CEMIP: variants seen among roughly 807,000 people sequenced by gnomAD.
CEMIP encodes the protein cell migration-inducing and hyaluronan-binding protein.
Under a neutral mutation model 156.9 loss-of-function variants are expected in CEMIP, and 105 were observed. The observed-to-expected ratio is 0.67, with a 90% CI of 0.57 to 0.79. The LOEUF (loss-of-function observed/expected upper bound fraction) is 0.79. Among genes scored for constraint, CEMIP ranks in the 30% least tolerant of loss-of-function variants. The pLI, the probability that CEMIP is intolerant of heterozygous loss-of-function variation, is 0.00. For missense variants in CEMIP, 1,457 were observed against 1,769.4 expected, an observed-to-expected ratio of 0.82 and a Z score of 3.17; for synonymous variants, 676 against 668.4, an observed-to-expected ratio of 1.01 and a Z score of -0.17.
chr15:80,799,561 T>C (rs755009027), intron 1 of CEMIP, among the ~76,000 whole-genome samples: 1 of 152,228 alleles, frequency 6.6e-6, no homozygotes, highest in Non-Finnish European at 1.5e-5. Flanking sequence ...ATCCTGTTAC[T>C]GAGCATCTGC....
chr15:80,875,152 G>T (rs1898434136), intron 3 of CEMIP, among the ~76,000 whole-genome samples: 1 of 146,688 alleles, frequency 6.8e-6, no homozygotes, highest in African/African-American at 2.5e-5. Flanking sequence ...TCTCATCTCA[G>T]CCTCCCTAGT....
At chr15:80,924,821 C>G in intron 18 of CEMIP, 115 bp downstream of exon 18, 1 of 965,190 alleles carries the variant, frequency 1.0e-6, no homozygotes, top group East Asian at 2.5e-5. Flanking sequence ...TTGCTTTGTG[C>G]TGGGCTTTGA....
intron 1 of CEMIP, among the ~76,000 whole-genome samples, chr15:80,863,264 C>T (rs1004468994): frequency 1.3e-5 from 2 of 152,196 alleles, no homozygotes; most frequent in Non-Finnish European, 2.9e-5. Context: ...AAAATACACC[C>T]ACCTGTTTTG....
Position 80,906,661 on chromosome 15 carries a change from A to T in CEMIP, c.1412-2A>T. On this transcript the variant is annotated splice_acceptor_variant, in intron 12 of 29. Coordinates refer to ENST00000394685, the MANE Select transcript of CEMIP (RefSeq NM_001293298.2). LOFTEE classifies it high-confidence loss of function. This position sits in a 1 kb window ranked among gnomAD's most constrained non-coding sequence, Gnocchi z 4.3. The stretch of plus-strand genomic sequence containing the variant: ...GTTTACCGTCCTCCCTTTCTGCCCT[A>T]GGGAAACCAATGTACCTGCACATCG... The T allele has an allele frequency of 6.2e-7, 1 of 1,612,222 alleles. No homozygotes were observed.
intron 1 of CEMIP, among the ~76,000 whole-genome samples, chr15:80,841,521 T>A (rs1342928104): frequency 6.6e-6 from 1 of 152,234 alleles, no homozygotes; most frequent in African/African-American, 2.4e-5. Flanking sequence ...GGGCAAGGGA[T>A]ATGACTTCTA....
chr15:80,798,524 GATA>G (rs1309229690), intron 1 of CEMIP, among the ~76,000 whole-genome samples: 1 of 152,086 alleles, frequency 6.6e-6, no homozygotes, highest in Non-Finnish European at 1.5e-5. Flanking sequence ...TATTTACACT[GATA>G]TTTGATATTA....
At chr15:80,781,149 T>C (rs905606850) in intron 1 of CEMIP, among the ~76,000 whole-genome samples, 2 of 152,160 alleles carry the variant, frequency 1.3e-5, no homozygotes, top group East Asian at 3.8e-4. Context: ...TAATTAGGGA[T>C]CCAGCTCAAA....
At chr15:80,925,815 C>A in intron 19 of CEMIP, 60 bp downstream of exon 19, 3 of 1,580,670 alleles carry the variant, frequency 1.9e-6, no homozygotes, top group South Asian at 2.3e-5. Context: ...TTCCCCTAGC[C>A]CCCTACAGAG....
At chr15:80,929,954 G>A (rs1386109631) in intron 21 of CEMIP, among the ~76,000 whole-genome samples, 1 of 152,220 alleles carries the variant, frequency 6.6e-6, no homozygotes, top group Non-Finnish European at 1.5e-5. Flanking sequence ...ACCACAGGCT[G>A]GGTCAGTGGT....
chr15:80,907,815 T>C (rs1443037655), intron 13 of CEMIP, among the ~76,000 whole-genome samples: 1 of 152,258 alleles, frequency 6.6e-6, no homozygotes, highest in African/African-American at 2.4e-5. Context: ...AATTTCTTCA[T>C]GTGGTAATTG....
intron 14 of CEMIP, among the ~76,000 whole-genome samples, chr15:80,917,063 G>A (rs1164432933): frequency 6.6e-6 from 1 of 152,150 alleles, no homozygotes; most frequent in Admixed American, 6.5e-5. Flanking sequence ...GTTGTGATGA[G>A]GTTTAAATAA....
intron 19 of CEMIP, among the ~76,000 whole-genome samples, 182 bp from the exon 20 acceptor site, chr15:80,928,720 C>G (rs987982069): frequency 6.6e-6 from 1 of 152,142 alleles, no homozygotes; most frequent in East Asian, 1.9e-4. Context: ...CCCAGAAAAT[C>G]CCCTTCCTGT....
chr15:80,877,474 G>C (rs77776983), intron 3 of CEMIP, among the ~76,000 whole-genome samples: 2,758 of 152,272 alleles, frequency 0.018, 93 homozygotes, highest in African/African-American at 0.06. Flanking sequence ...TAATTTGAAA[G>C]CTACTGTTTC....
Position 80,906,153 on chromosome 15 carries a change from C to T in CEMIP, c.1412-510C>T, listed in dbSNP as rs1232984472. ...TTATCTTCCTAAGATCGGCAATCTA[C>T]GGTATCATCCAGAGACCAGGTTTCT... is the stretch of plus-strand genomic sequence containing the variant. On this transcript the variant is annotated intron_variant, in intron 12 of 29. Coordinates refer to ENST00000394685, the MANE Select transcript of CEMIP (RefSeq NM_001293298.2). This position sits in a 1 kb window ranked among gnomAD's most constrained non-coding sequence, Gnocchi z 4.3. 1.3e-5 allele frequency among the ~76,000 whole-genome samples: 2 copies of T among 152,228 alleles called. No individual in the cohort carries two copies. Among genetic ancestry groups the T allele is most frequent in the African/African-American group, 2.4e-5 (1 of 41,470 alleles).
rs1901781798 is a variant in CEMIP, at chr15:80,950,744, T to C, written c.*1820T>C. ...CCTGCTCTCTCCCTGGCCCACCTTA[T>C]AGAGAGCCCAAAGAGCTCCTGTAAG... On this transcript the variant is annotated 3_prime_UTR_variant, in exon 30 of 30. Transcript: ENST00000394685. The C allele has an allele frequency of 6.5e-6, 1 of 152,826 alleles. No homozygotes were observed. Among genetic ancestry groups the C allele is most frequent in the Non-Finnish European group, 1.5e-5 (1 of 68,170 alleles). The allele number at this position is 152,826 out of a possible 1,614,324, so 9.5% of individuals were successfully genotyped here.
intron 1 of CEMIP, among the ~76,000 whole-genome samples, chr15:80,824,912 G>A (rs1157732197): frequency 6.6e-6 from 1 of 152,152 alleles, no homozygotes; most frequent in Non-Finnish European, 1.5e-5. Context: ...CAGGGCCTGT[G>A]GCAGAAGCAG....
intron 1 of CEMIP, among the ~76,000 whole-genome samples, chr15:80,784,461 G>A (rs1210343918): frequency 1.3e-5 from 2 of 152,154 alleles, no homozygotes; most frequent in African/African-American, 4.8e-5. Flanking sequence ...AGTCTTTATG[G>A]CTGTAAGGTA....
intron 1 of CEMIP, among the ~76,000 whole-genome samples, chr15:80,823,664 T>A (rs903039202): frequency 3.9e-5 from 6 of 152,146 alleles, no homozygotes; most frequent in Non-Finnish European, 8.8e-5. Flanking sequence ...TGATGGTGGG[T>A]TCCAGCTACA....
In CEMIP at chr15:80,948,889, G is replaced by A. The variant is rs903112925; in HGVS notation, c.4051G>A (p.Val1351Met). 6.2e-7 allele frequency: 1 copy of A among 1,614,114 alleles called. No individual in the cohort carries two copies. Among genetic ancestry groups the A allele is most frequent in the African/African-American group, 1.3e-5 (1 of 74,946 alleles). The part of the protein sequence containing the change: ...EDHKAKIFQV[V>M]PIPVVKKKKL ...TCACAAAGCCAAAATCTTCCAAGTT[G>A]TGCCCATCCCTGTGGTGAAGAAGAA... Residue 1351 changes from valine (V) to methionine (M), a missense_variant, in exon 30 of 30, where the codon GTG becomes ATG. Around this residue, in one of 5 missense-constraint regions of CEMIP, gnomAD observed 798 missense variants for 980.1 expected, o/e 0.81. Transcript: ENST00000394685.
Sources: allele counts gnomAD v4.1 joint callset (sites outside exome capture counted in the v4.1 genomes callset), GRCh38; gene constraint gnomAD v4.1.1; regional missense constraint gnomAD v4.1.1; non-coding constraint Gnocchi (gnomAD v3.1); transcripts MANE v1.5; gene names NCBI Gene and HGNC (gene_info 2026-07-23, HGNC 2026-07-21).